The following SVIP variants were observed in gnomAD, a reference collection of about 807,000 sequenced individuals.
SVIP encodes small VCP/p97-interacting protein.
In SVIP, 14 loss-of-function variants were observed where a neutral mutation model predicts 12.9. The observed-to-expected ratio is 1.08, with a 90% confidence interval of 0.72 to 1.70. The LOEUF is 1.70. Ranked by LOEUF, SVIP falls within the 40% of genes most tolerant of loss-of-function variation. SVIP has a pLI of 0.00. For synonymous variants in SVIP, 35 were observed against 33.3 expected, an observed-to-expected ratio of 1.05 and a Z score of -0.17; for missense variants, 93 against 90.8, an observed-to-expected ratio of 1.02 and a Z score of -0.10.
chr11:22,827,381 A>G, intron 2 of SVIP, 61 bp from the exon 3 acceptor site: 1 of 1,386,634 alleles, frequency 7.2e-7, no homozygotes, highest in Non-Finnish European at 9.9e-7. Flanking sequence ...TGTGCAAAAC[A>G]TTTTTTTGTC....
At chr11:22,825,063 T>C (rs1434096990) in intron 3 of SVIP, among the ~76,000 whole-genome samples, 1 of 152,068 alleles carries the variant, frequency 6.6e-6, no homozygotes, top group Non-Finnish European at 1.5e-5. Flanking sequence ...GATGCAGCAC[T>C]GGTCAGGAGA....
Position 22,822,866 on chromosome 11 carries a change from A to G in SVIP, c.*253T>C, listed in dbSNP as rs543335518. The G allele has an allele frequency of 2.3e-6, 1 of 434,790 alleles. No individual in the cohort carries two copies. The highest frequency in any genetic ancestry group is 2.0e-5 in the African/African-American group (1 of 49,554). 26.9% of individuals were successfully genotyped at this position (434,790 alleles called of 1,614,324 possible). A position where few individuals can be genotyped will look rare whatever the true frequency, so the allele number is the denominator to read the frequency against. On this transcript the variant is annotated 3_prime_UTR_variant, in exon 4 of 4. Transcript: ENST00000354193. Reference sequence around the variant, plus strand: ...TATTCACTATTTAGTTCCATTTTTTAACTACTAAGAAAAATAGCAAATCAC... The same window carrying G: ...TATTCACTATTTAGTTCCATTTTTTGACTACTAAGAAAAATAGCAAATCAC...
At chr11:22,823,512 A>G (rs375376648) in intron 3 of SVIP, among the ~76,000 whole-genome samples, 2 of 152,146 alleles carry the variant, frequency 1.3e-5, no homozygotes, top group South Asian at 2.1e-4. Context: ...ACGTCCTTCA[A>G]TGCTTTAGCC....
intron 1 of SVIP, among the ~76,000 whole-genome samples, chr11:22,829,035 G>A (rs934061882): frequency 6.6e-6 from 1 of 152,044 alleles, no homozygotes; most frequent in Non-Finnish European, 1.5e-5. Context: ...CCCTAATATT[G>A]CATGGCACAA....
intron 3 of SVIP, among the ~76,000 whole-genome samples, chr11:22,825,371 A>G (rs1039088418): frequency 3.3e-5 from 5 of 152,084 alleles, no homozygotes; most frequent in African/African-American, 4.8e-5. Flanking sequence ...TGTCAAGCAG[A>G]ATGGAGCATG....
intron 3 of SVIP, among the ~76,000 whole-genome samples, chr11:22,825,895 C>T (rs866857527): frequency 6.6e-6 from 1 of 152,272 alleles, no homozygotes; most frequent in Non-Finnish European, 1.5e-5. Context: ...TATTTCCAGT[C>T]CTACAATTTA....
In SVIP at chr11:22,827,273, T is replaced by A. The variant is rs1857748514; in HGVS notation, c.153A>T (p.Arg51Ser). 1 of 1,610,968 alleles carries A rather than the reference T, an allele frequency of 6.2e-7. No homozygotes were observed. Among genetic ancestry groups the A allele is most frequent in the Non-Finnish European group, 8.5e-7 (1 of 1,178,914 alleles). ...ILDVQSVQEK[R>S]KKKEKIEKQI... ...GTTTTTCTATTTTTTCCTTTTTCTT[T>A]CTCTTTTCTTGCACAGATTGAACAT... Residue 51 changes from arginine to serine, a missense_variant, in exon 3 of 4, where the codon AGA becomes AGT. Transcript: ENST00000354193.
Position 22,819,810 on chromosome 11 carries a change from C to T in SVIP, c.*3309G>A, listed in dbSNP as rs1384000723. The T allele has an allele frequency of 6.6e-6, 1 of 152,380 alleles. No homozygotes were observed. Among genetic ancestry groups the T allele is most frequent in the Non-Finnish European group, 1.5e-5 (1 of 68,244 alleles). The allele number at this position is 152,380 out of a possible 1,614,324, so 9.4% of individuals were successfully genotyped here. On this transcript the variant is annotated 3_prime_UTR_variant, in exon 4 of 4. Transcript: ENST00000354193. ...AAAACCAAAAAAAGCCAATGCAATTCAGGATATAATAACAAAAAAGTATGA... is the reference window on the plus strand; with the variant it reads ...AAAACCAAAAAAAGCCAATGCAATTTAGGATATAATAACAAAAAAGTATGA...
chr11:22,829,029 A>G (rs988787462), intron 1 of SVIP, among the ~76,000 whole-genome samples: 2 of 152,192 alleles, frequency 1.3e-5, no homozygotes, highest in Admixed American at 1.3e-4. Context: ...CTAGATCCCT[A>G]ATATTGCATG....
Position 22,827,208 on chromosome 11 carries a change from C to G in SVIP, c.218G>C (p.Arg73Thr). ...TSGPPPEGGLRWTVS is the reference protein window; with the variant it reads ...TSGPPPEGGLTWTVS Reference sequence around the variant, plus strand: ...CACTAAGAAAATTTTAATACTTACCCTAAGTCCACCTTCTGGTGGGGGCCC... The same window carrying G: ...CACTAAGAAAATTTTAATACTTACCGTAAGTCCACCTTCTGGTGGGGGCCC... The change falls in exon 3 of 4, where the codon AGG becomes ACG. Residue 73 changes from arginine to threonine, a missense_variant and splice_region_variant. By Grantham distance (71) the Arg-to-Thr change is moderately conservative. Transcript: ENST00000354193. The G allele has an allele frequency of 1.9e-6, 3 of 1,604,554 alleles. No homozygotes were observed. Among genetic ancestry groups the G allele is most frequent in the Non-Finnish European group, 2.6e-6 (3 of 1,175,212 alleles).
chr11:22,824,461 CACATATATATACGTATATATATATGT>C (rs1857608964), intron 3 of SVIP, among the ~76,000 whole-genome samples: 3 of 44,188 alleles, frequency 6.8e-5, no homozygotes, highest in Non-Finnish European at 2.2e-4. Context: ...TATATATATA[CACATATATATACGTATATATATATGT>C]ATATATATAC....
chr11:22,827,336 TAAG>T lies in SVIP; in HGVS notation c.106-19_106-17del, dbSNP rs1857752065. 1 of 1,581,338 alleles carries T rather than the reference TAAG, an allele frequency of 6.3e-7. No individual in the cohort carries two copies. On this transcript the variant is annotated splice_polypyrimidine_tract_variant and intron_variant, in intron 2 of 3. Transcript: ENST00000354193. ...GAGATGCAGCCTTGAAGAAATTTGA[TAAG>T]AAAAACAGAAAGACAACAAAAATCT...
rs1857532743 is a variant in SVIP, at chr11:22,822,857, C to A, written c.*262G>T. On this transcript the variant is annotated 3_prime_UTR_variant, in exon 4 of 4. Transcript: ENST00000354193. The stretch of plus-strand genomic sequence containing the variant: ...GTGTATGTATATTCACTATTTAGTT[C>A]CATTTTTTAACTACTAAGAAAAATA... 1 of 424,574 alleles carries A rather than the reference C, an allele frequency of 2.4e-6. No homozygotes were observed. Among genetic ancestry groups the A allele is most frequent in the East Asian group, 4.0e-5 (1 of 25,060 alleles). 26.3% of individuals were successfully genotyped at this position (424,574 alleles called of 1,614,324 possible). A position where few individuals can be genotyped will look rare whatever the true frequency, so the allele number is the denominator to read the frequency against.
chr11:22,825,471 G>A (rs1424693599), intron 3 of SVIP, among the ~76,000 whole-genome samples: 1 of 152,164 alleles, frequency 6.6e-6, no homozygotes, highest in Non-Finnish European at 1.5e-5. Context: ...GCTAATGACA[G>A]TGAGCCACTG....
At position 22,827,256 on chromosome 11, in the gene SVIP, AT is replaced by A; in HGVS notation, c.169del (p.Ile57Ter). On this transcript the variant is annotated frameshift_variant, in exon 3 of 4. Coordinates refer to ENST00000354193, the MANE Select transcript of SVIP (RefSeq NM_148893.3). LOFTEE classifies it high-confidence loss of function. ...CCCGGATGTAGCAATTTGTTTTTCT[AT>A]TTTTTCCTTTTTCTTTCTCTTTTCT... is the stretch of plus-strand genomic sequence containing the variant. Reference protein sequence around the residue: ...VQEKRKKKEKIEKQIATSGPP... With the variant: ...VQEKRKKKEKXEKQIATSGPP... 1 of 1,610,596 alleles carries A rather than the reference AT, an allele frequency of 6.2e-7. No individual in the cohort carries two copies. The highest frequency in any genetic ancestry group is 8.5e-7 in the Non-Finnish European group (1 of 1,178,808).
chr11:22,825,341 C>G (rs1044620538), intron 3 of SVIP, among the ~76,000 whole-genome samples: 2 of 152,062 alleles, frequency 1.3e-5, no homozygotes, highest in Non-Finnish European at 2.9e-5. Flanking sequence ...TCACTTCATG[C>G]TCTTGACATG....
chr11:22,826,149 A>T lies in SVIP; in HGVS notation c.219+1058T>A, dbSNP rs139751543. ...ATATTGCTAAAAGTTCACCATAAAA[A>T]AACTTCATAAATTTTCATTCGTTAA... On this transcript the variant is annotated intron_variant, in intron 3 of 3. Transcript: ENST00000354193. Among the ~76,000 whole-genome samples the T allele has an allele frequency of 5.2e-3, 798 of 152,332 alleles. 11 individuals are homozygous for T. Among genetic ancestry groups the T allele is most frequent in the East Asian group, 0.038 (196 of 5,184 alleles).
Position 22,821,766 on chromosome 11 carries a change from ATTCACACAATAT to A in SVIP, c.*1341_*1352del, listed in dbSNP as rs890316113. ...CCAAATTGTTATGTTTTGCCTAGATATTCACACAATATTTCACACCATAATAGAAAAAATAAT... is the reference window on the plus strand; with the variant it reads ...CCAAATTGTTATGTTTTGCCTAGATATTCACACCATAATAGAAAAAATAAT... On this transcript the variant is annotated 3_prime_UTR_variant, in exon 4 of 4. Coordinates refer to ENST00000354193, the MANE Select transcript of SVIP (RefSeq NM_148893.3). 5.3e-5 allele frequency: 8 copies of A among 152,366 alleles called. No homozygotes were observed. Among genetic ancestry groups the A allele is most frequent in the Non-Finnish European group, 1.0e-4 (7 of 68,034 alleles). The allele number at this position is 152,366 out of a possible 1,614,324, so 9.4% of individuals were successfully genotyped here.
At chr11:22,828,482 G>A (rs145790758) in intron 1 of SVIP, among the ~76,000 whole-genome samples, 2 of 152,172 alleles carry the variant, frequency 1.3e-5, no homozygotes, top group Admixed American at 1.3e-4. Context: ...CAAATATAAT[G>A]AAGTAAGTAA....
Sources: gnomAD v4.1 joint callset for allele counts (sites outside exome capture counted in the v4.1 genomes callset) on GRCh38, gnomAD v4.1.1 for gene constraint, MANE v1.5 for transcripts, NCBI Gene and HGNC (gene_info 2026-07-23, HGNC 2026-07-21) for gene names.